Variants in AFF3 observed in about 807,000 individuals in gnomAD.
AFF3 encodes AF4/FMR2 family member 3.
A neutral mutation model predicts 129.7 loss-of-function variants in AFF3; 32 were observed. The ratio of observed to expected loss-of-function variants is 0.25; its 90% CI spans 0.19 to 0.33. The LOEUF (loss-of-function observed/expected upper bound fraction) is 0.33. AFF3 is among the 10% of genes least tolerant of loss of function. The pLI is 1.00. For synonymous variants in AFF3, 644 were observed against 635.4 expected (o/e 1.01, Z -0.20); for missense variants, 1,373 against 1,592.0 (o/e 0.86, Z 2.34).
chr2:100,016,552 T>A (rs2104824030), intron 4 of AFF3, among the ~76,000 whole-genome samples: 1 of 150,134 alleles, frequency 6.7e-6, no homozygotes, highest in East Asian at 2.0e-4. Flanking sequence ...GTAGCGATGG[T>A]GATAGTATTG....
chr2:99,760,206 G>A (rs1195719130), intron 8 of AFF3, among the ~76,000 whole-genome samples: 1 of 152,078 alleles, frequency 6.6e-6, no homozygotes, highest in Non-Finnish European at 1.5e-5. Flanking sequence ...AGAATATATG[G>A]GGAAGAGTTT....
chr2:99,601,368 C>A, intron 14 of AFF3, 67 bp downstream of exon 14: 1 of 1,454,992 alleles, frequency 6.9e-7, no homozygotes, highest in Non-Finnish European at 9.1e-7. Flanking sequence ...AGTGACAATG[C>A]CCGGACTTGC....
chr2:99,625,677 G>T (rs139197438), intron 13 of AFF3, among the ~76,000 whole-genome samples: 4 of 152,118 alleles, frequency 2.6e-5, no homozygotes, highest in Non-Finnish European at 5.9e-5. Context: ...TTGAGGGCCT[G>T]GGAATTCATA....
In AFF3 at chr2:100,131,860, G is replaced by C. The variant is rs6730729; in HGVS notation, c.-227-2554C>G. 9.3e-3 allele frequency among the ~76,000 whole-genome samples: 1,420 copies of C among 152,286 alleles called. 23 individuals are homozygous for C. Among genetic ancestry groups the C allele is most frequent in the African/African-American group, 0.031 (1,299 of 41,556 alleles). Reference sequence around the variant, plus strand: ...TATCCTAGACCTTGTTCTAAGAAGGGTTCATATCTTTGCTCATTGAATCTG... The same window carrying C: ...TATCCTAGACCTTGTTCTAAGAAGGCTTCATATCTTTGCTCATTGAATCTG... On this transcript the variant is annotated intron_variant, in intron 1 of 24. Coordinates refer to ENST00000672756, the MANE Select transcript of AFF3 (RefSeq NM_001386135.1).
intron 7 of AFF3, among the ~76,000 whole-genome samples, chr2:99,870,903 T>C (rs1450717209): frequency 6.6e-6 from 1 of 152,252 alleles, no homozygotes. Context: ...AGCCTCTTTG[T>C]ATCTCAGTTT....
In AFF3 at chr2:99,551,441, A is replaced by G. The variant is rs1456998099; in HGVS notation, c.*33T>C. 2 of 1,613,142 alleles carry G rather than the reference A, an allele frequency of 1.2e-6. No individual in the cohort carries two copies. Among genetic ancestry groups the G allele is most frequent in the Non-Finnish European group, 1.7e-6 (2 of 1,179,806 alleles). ...CAAAAACGTTGAGCCATCTGTGGAG[A>G]CCAGAGCCCACTCTGGCCCCAGGGT... is the stretch of plus-strand genomic sequence containing the variant. On this transcript the variant is annotated 3_prime_UTR_variant, in exon 25 of 25. Transcript: ENST00000672756.
chr2:100,043,598 T>G (rs987348566), intron 4 of AFF3, among the ~76,000 whole-genome samples: 1 of 151,554 alleles, frequency 6.6e-6, no homozygotes, highest in African/African-American at 2.4e-5. Flanking sequence ...TAGCTGCATT[T>G]AAAAAAAAAG....
chr2:99,915,896 G>T (rs1695443508), intron 7 of AFF3, among the ~76,000 whole-genome samples: 1 of 152,104 alleles, frequency 6.6e-6, no homozygotes, highest in South Asian at 2.1e-4. Context: ...TATAAAACTT[G>T]AATCTGATCA....
chr2:99,636,210 A>T (rs1477259211), intron 13 of AFF3, among the ~76,000 whole-genome samples: 1 of 152,106 alleles, frequency 6.6e-6, no homozygotes, highest in Admixed American at 6.5e-5. Flanking sequence ...CCAAAGTAAG[A>T]TGAGGAACTG....
chr2:100,030,330 C>A, intron 4 of AFF3, among the ~76,000 whole-genome samples: 1 of 152,136 alleles, frequency 6.6e-6, no homozygotes, highest in East Asian at 1.9e-4. Flanking sequence ...AATAAAACAA[C>A]GAGATACCGC....
At chr2:100,103,935 G>T (rs1447085805) in intron 4 of AFF3, among the ~76,000 whole-genome samples, 1 of 151,570 alleles carries the variant, frequency 6.6e-6, no homozygotes, top group Non-Finnish European at 1.5e-5. Flanking sequence ...GAGACCGGGC[G>T]CAGGCGGGGA....
intron 7 of AFF3, among the ~76,000 whole-genome samples, chr2:99,948,884 G>A (rs62149261): frequency 4.9e-3 from 742 of 152,266 alleles, no homozygotes; most frequent in Admixed American, 8.4e-3. Flanking sequence ...AAAGAAATGC[G>A]TGAAAACCTC....
At chr2:100,027,654 T>C (rs1377421059) in intron 4 of AFF3, among the ~76,000 whole-genome samples, 1 of 152,200 alleles carries the variant, frequency 6.6e-6, no homozygotes, top group Non-Finnish European at 1.5e-5. Context: ...AACTGTATCC[T>C]TTACTCCTAT....
intron 8 of AFF3, among the ~76,000 whole-genome samples, chr2:99,827,674 C>G (rs1309247238): frequency 6.6e-6 from 1 of 151,780 alleles, no homozygotes; most frequent in Non-Finnish European, 1.5e-5. Context: ...TATATACACA[C>G]ACATACATAT....
In AFF3 at chr2:99,546,506, A is replaced by T. The variant is rs1272118208; in HGVS notation, c.*4968T>A. The stretch of plus-strand genomic sequence containing the variant: ...CAGATGGTATAATGGGAAAAAGACA[A>T]AGGATATTTGAATCTAAGGACATGG... On this transcript the variant is annotated 3_prime_UTR_variant, in exon 25 of 25. Coordinates refer to ENST00000672756, the MANE Select transcript of AFF3 (RefSeq NM_001386135.1). 5 of 232,892 alleles carry T rather than the reference A, an allele frequency of 2.1e-5. No individual in the cohort carries two copies. Among genetic ancestry groups the T allele is most frequent in the Non-Finnish European group, 4.2e-5 (5 of 117,904 alleles). The allele number at this position is 232,892 out of a possible 1,614,324, so 14.4% of individuals were successfully genotyped here.
At chr2:100,049,836 A>G (rs1181670023) in intron 4 of AFF3, among the ~76,000 whole-genome samples, 1 of 152,198 alleles carries the variant, frequency 6.6e-6, no homozygotes, top group East Asian at 1.9e-4. Context: ...TCCTCATACA[A>G]CATCTTACAC....
intron 15 of AFF3, among the ~76,000 whole-genome samples, chr2:99,588,754 C>A (rs1478669392): frequency 6.6e-6 from 1 of 152,180 alleles, no homozygotes; most frequent in African/African-American, 2.4e-5. Context: ...TAGTCCTTAG[C>A]TCCAGGGCTC....
intron 7 of AFF3, among the ~76,000 whole-genome samples, chr2:99,852,766 G>A (rs1690244342): frequency 6.6e-6 from 1 of 152,164 alleles, no homozygotes; most frequent in Non-Finnish European, 1.5e-5. Context: ...ATTCCTTTCA[G>A]CATGAAACTT....
intron 11 of AFF3, among the ~76,000 whole-genome samples, chr2:99,717,952 C>T (rs1276511986): frequency 6.6e-6 from 1 of 152,200 alleles, no homozygotes; most frequent in Non-Finnish European, 1.5e-5. Flanking sequence ...CACTGGACTG[C>T]TTTGGTGTCT....
Sources: allele counts gnomAD v4.1 joint callset (sites outside exome capture counted in the v4.1 genomes callset), GRCh38; gene constraint gnomAD v4.1.1; transcripts MANE v1.5; gene names NCBI Gene and HGNC (gene_info 2026-07-23, HGNC 2026-07-21).